The following SLC38A6 variants were observed in gnomAD, a reference collection of about 807,000 sequenced individuals.
The protein encoded by SLC38A6 is solute carrier family 38 member 6, also known as N system amino acid transporter NAT-1.
A neutral mutation model predicts 65.0 loss-of-function variants in SLC38A6; 73 were observed. That is an observed-to-expected ratio of 1.12 (90% CI 0.93 to 1.37). The LOEUF (loss-of-function observed/expected upper bound fraction) is 1.37, where lower values mean the gene tolerates loss of function less well. Among genes scored for constraint, SLC38A6 ranks in the 40% most tolerant of loss-of-function variants. The pLI is 0.00. For missense variants in SLC38A6, 561 were observed against 531.1 expected (o/e 1.06, Z -0.55); for synonymous variants, 183 against 178.8 (o/e 1.02, Z -0.19).
rs2042975148 is a variant in SLC38A6 at position 61,064,988 on chromosome 14, G to A, written c.1290+12853G>A. 2.0e-5 allele frequency among the ~76,000 whole-genome samples: 3 copies of A among 152,022 alleles called. No individual in the cohort carries two copies. The South Asian group carries it at 6.2e-4, about 32-fold the overall frequency. On this transcript the variant is annotated intron_variant, in intron 15 of 16. Transcript: ENST00000354886. The stretch of plus-strand genomic sequence containing the variant: ...AGTTAACACTCCATTAAGATGAATG[G>A]GGGTAATTCACACCTCTGCTTGTGC...
At chr14:61,066,247 A>C (rs1419505670) in intron 15 of SLC38A6, among the ~76,000 whole-genome samples, 2 of 152,208 alleles carry the variant, frequency 1.3e-5, no homozygotes, top group Non-Finnish European at 2.9e-5. Flanking sequence ...ATTTTGATGG[A>C]GGATGAATAA....
Position 61,017,458 on chromosome 14 carries a change from G to T in SLC38A6, c.363+1502G>T, listed in dbSNP as rs577047297. Among the ~76,000 whole-genome samples, 104 of 152,290 alleles carry T rather than the reference G, an allele frequency of 6.8e-4. 1 individual carries two copies. The highest frequency in any genetic ancestry group is 5.0e-3 in the South Asian group (24 of 4,824). On this transcript the variant is annotated intron_variant, in intron 4 of 15. Coordinates refer to ENST00000267488, the MANE Select transcript of SLC38A6 (RefSeq NM_153811.3). ...CAGAATATGTTACTTGAGGGTAAAA[G>T]GTTTTGTTAATCTTCCTTAGTAGCA... is the stretch of plus-strand genomic sequence containing the variant.
At chr14:60,992,887 G>T (rs575767458) in intron 3 of SLC38A6, among the ~76,000 whole-genome samples, 1 of 147,622 alleles carries the variant, frequency 6.8e-6, no homozygotes, top group African/African-American at 2.5e-5. Flanking sequence ...TTGCTCTGTC[G>T]CCCAGGCTGG....
chr14:61,002,461 C>T lies in SLC38A6; in HGVS notation c.311-13443C>T, dbSNP rs116308097. 9.4e-3 allele frequency among the ~76,000 whole-genome samples: 1,431 copies of T among 152,316 alleles called. 12 individuals carry two copies. Among genetic ancestry groups the T allele is most frequent in the African/African-American group, 0.033 (1,372 of 41,578 alleles). ...AACTGTATTTGAATAACTCATGTCC[C>T]TCAACCCAGATCCAAAGATAATATT... On this transcript the variant is annotated intron_variant, in intron 3 of 15. Transcript: ENST00000267488.
At chr14:61,072,285 CAT>C (rs1167014774) in intron 15 of SLC38A6, among the ~76,000 whole-genome samples, 1 of 151,886 alleles carries the variant, frequency 6.6e-6, no homozygotes. Context: ...TTATGGAGTA[CAT>C]GACATGTTTC....
chr14:61,064,123 T>G (rs1043679984), intron 15 of SLC38A6, among the ~76,000 whole-genome samples: 3 of 152,212 alleles, frequency 2.0e-5, no homozygotes, highest in Non-Finnish European at 4.4e-5. Context: ...TCCCACAGTT[T>G]ACCTCAGCTG....
intron 3 of SLC38A6, among the ~76,000 whole-genome samples, chr14:61,001,522 T>C (rs771925642): frequency 2.0e-5 from 3 of 152,276 alleles, no homozygotes; most frequent in Non-Finnish European, 4.4e-5. Flanking sequence ...GTTACATGTA[T>C]GTGTGCATGT....
Position 61,003,872 on chromosome 14 carries a change from G to C in SLC38A6, c.311-12032G>C, listed in dbSNP as rs546339410. 1.3e-4 allele frequency among the ~76,000 whole-genome samples: 20 copies of C among 152,250 alleles called. No individual in the cohort carries two copies. The South Asian group carries it at 4.1e-3, about 32-fold the overall frequency. ...AAAGGAATGACTAGCTAGATATGCT[G>C]ACCGGAAAGCTAGAATTAGGATTTG... On this transcript the variant is annotated intron_variant, in intron 3 of 15. Transcript: ENST00000267488.
intron 12 of SLC38A6, among the ~76,000 whole-genome samples, chr14:61,046,536 A>T (rs1298712664): frequency 6.6e-6 from 1 of 152,162 alleles, no homozygotes; most frequent in Non-Finnish European, 1.5e-5. Flanking sequence ...TGAGTCAGTC[A>T]TCTTAATTGC....
chr14:61,074,323 A>G (rs2043326007), intron 15 of SLC38A6, among the ~76,000 whole-genome samples: 1 of 152,246 alleles, frequency 6.6e-6, no homozygotes, highest in African/African-American at 2.4e-5. Flanking sequence ...TACTATAACA[A>G]AATACCATAG....
rs373181174 is a variant in SLC38A6, at chr14:61,007,504, T to C, written c.311-8400T>C. Among the ~76,000 whole-genome samples, 64 of 151,994 alleles carry C rather than the reference T, an allele frequency of 4.2e-4. 1 individual carries two copies. The highest frequency in any genetic ancestry group is 2.1e-3 in the East Asian group (11 of 5,184). ...ATGAAAAGTTAGCCTGGGCCTGGTGTATTTGCATGTGCCTGTGGTCCCAGC... is the reference window on the plus strand; with the variant it reads ...ATGAAAAGTTAGCCTGGGCCTGGTGCATTTGCATGTGCCTGTGGTCCCAGC... On this transcript the variant is annotated intron_variant, in intron 3 of 15. Coordinates refer to ENST00000267488, the MANE Select transcript of SLC38A6 (RefSeq NM_153811.3).
At chr14:61,071,836 A>T (rs1279997265) in intron 15 of SLC38A6, among the ~76,000 whole-genome samples, 1 of 152,208 alleles carries the variant, frequency 6.6e-6, no homozygotes, top group Non-Finnish European at 1.5e-5. Flanking sequence ...GACAGGAACT[A>T]TGACATTACA....
intron 6 of SLC38A6, among the ~76,000 whole-genome samples, chr14:61,036,415 G>C (rs1250788586): frequency 1.3e-5 from 2 of 151,754 alleles, no homozygotes; most frequent in African/African-American, 4.8e-5. Flanking sequence ...AACACAGGGA[G>C]GGGAACATCA....
chr14:61,015,235 G>T (rs746368317), intron 3 of SLC38A6, among the ~76,000 whole-genome samples: 6 of 152,164 alleles, frequency 3.9e-5, no homozygotes, highest in East Asian at 3.8e-4. Context: ...TTGGAAAAGC[G>T]CAGTATTAGG....
At chr14:61,010,385 AGATCCC>A (rs2039466772) in intron 3 of SLC38A6, among the ~76,000 whole-genome samples, 1 of 152,156 alleles carries the variant, frequency 6.6e-6, no homozygotes, top group African/African-American at 2.4e-5. Context: ...TAGTTTAATT[AGATCCC>A]ATTTGTCAAT....
At chr14:61,020,977 T>C (rs2040315921) in intron 5 of SLC38A6, among the ~76,000 whole-genome samples, 1 of 152,168 alleles carries the variant, frequency 6.6e-6, no homozygotes, top group South Asian at 2.1e-4. Flanking sequence ...AGGCCCACTG[T>C]TGTATTCTTT....
In SLC38A6 at chr14:61,043,136, T is replaced by C. The variant is rs1406330156; in HGVS notation, c.625-11T>C. 2 of 1,488,840 alleles carry C rather than the reference T, an allele frequency of 1.3e-6. No individual in the cohort carries two copies. The highest frequency in any genetic ancestry group is 2.3e-5 in the East Asian group (1 of 43,452). The allele number at this position is 1,488,840 out of a possible 1,614,324, so 92.2% of individuals were successfully genotyped here. ...AAATGATCTGAGTGCTGATTCTGTT[T>C]ACTTTTTTAGGTAATAATTAAAAAA... On this transcript the variant is annotated splice_polypyrimidine_tract_variant and intron_variant, in intron 8 of 15. Coordinates refer to ENST00000267488, the MANE Select transcript of SLC38A6 (RefSeq NM_153811.3).
intron 5 of SLC38A6, among the ~76,000 whole-genome samples, chr14:61,024,875 A>C (rs2040526334): frequency 6.6e-6 from 1 of 152,212 alleles, no homozygotes; most frequent in African/African-American, 2.4e-5. Context: ...AAAGATGAGT[A>C]GCTCCTAGGG....
At chr14:61,043,041 T>G in intron 8 of SLC38A6, 106 bp from the exon 9 acceptor site, 1 of 700,180 alleles carries the variant, frequency 1.4e-6, no homozygotes, top group Non-Finnish European at 2.3e-6. Flanking sequence ...CAGAGACTCT[T>G]CTATTAGCAT....
Sources: allele counts gnomAD v4.1 joint callset (sites outside exome capture counted in the v4.1 genomes callset), GRCh38; gene constraint gnomAD v4.1.1; transcripts MANE v1.5; gene names NCBI Gene and HGNC (gene_info 2026-07-23, HGNC 2026-07-21).